Variants in TUT7 observed in about 807,000 individuals in gnomAD.
The protein encoded by TUT7 is terminal uridylyltransferase 7.
TUT7 carries 33 observed loss-of-function variants against 165.9 expected under a neutral mutation model. That is an observed-to-expected ratio of 0.20 (90% CI 0.15 to 0.27). TUT7 has a LOEUF of 0.27. Ranked by LOEUF, TUT7 falls within the 10% of genes least tolerant of loss-of-function variation. The pLI, the probability that TUT7 is intolerant of heterozygous loss-of-function variation, is 1.00. For missense variants in TUT7, 1,338 were observed against 1,762.3 expected (o/e 0.76, Z 4.31); for synonymous variants, 552 against 608.1 (o/e 0.91, Z 1.36).
At chr9:86,292,387 G>A (rs1825964540) in intron 26 of TUT7, among the ~76,000 whole-genome samples, 1 of 151,154 alleles carries the variant, frequency 6.6e-6, no homozygotes, top group African/African-American at 2.4e-5. Context: ...AAGAATCACT[G>A]GAACCTAGGA....
chr9:86,318,853 T>C (rs781252908), intron 16 of TUT7, 105 bp downstream of exon 16: 6 of 787,562 alleles, frequency 7.6e-6, no homozygotes, highest in African/African-American at 1.7e-5. Flanking sequence ...GCACACTCTA[T>C]ATGGTATGCC....
chr9:86,353,274 A>G, intron 1 of TUT7, 44 bp from the exon 2 acceptor site: 5 of 1,433,130 alleles, frequency 3.5e-6, no homozygotes, highest in Non-Finnish European at 4.7e-6. Context: ...ATATAACAAG[A>G]TATCATACAA....
At chr9:86,348,229 A>T (rs1045513934) in intron 2 of TUT7, among the ~76,000 whole-genome samples, 2 of 152,240 alleles carry the variant, frequency 1.3e-5, no homozygotes, top group African/African-American at 4.8e-5. Context: ...GCTTTTATAC[A>T]GAAGTGGATG....
At chr9:86,300,896 A>G (rs1056660779) in intron 26 of TUT7, among the ~76,000 whole-genome samples, 3 of 152,194 alleles carry the variant, frequency 2.0e-5, no homozygotes, top group Non-Finnish European at 2.9e-5. Flanking sequence ...GTGTCCTGAG[A>G]TAACTCTGGC....
intron 26 of TUT7, among the ~76,000 whole-genome samples, chr9:86,292,711 T>C (rs974206545): frequency 2.6e-5 from 4 of 151,242 alleles, no homozygotes; most frequent in African/African-American, 9.7e-5. Context: ...GAGTTCGAGG[T>C]TGCAGTGAGC....
chr9:86,348,259 A>G (rs1208166621), intron 2 of TUT7, among the ~76,000 whole-genome samples: 1 of 152,222 alleles, frequency 6.6e-6, no homozygotes, highest in East Asian at 1.9e-4. Flanking sequence ...ATTCTGTCAG[A>G]TAATGGCAGC....
chr9:86,301,102 TG>T (rs1218439616), intron 26 of TUT7, among the ~76,000 whole-genome samples, 173 bp downstream of exon 26: 13 of 152,232 alleles, frequency 8.5e-5, no homozygotes, highest in Non-Finnish European at 1.6e-4. Flanking sequence ...ATAAGATATA[TG>T]GAGGATCAAC....
In TUT7 at chr9:86,352,822, G is replaced by A. The variant is rs1187326910; in HGVS notation, c.378C>T (p.Asn126=). The A allele has an allele frequency of 1.2e-6, 2 of 1,614,008 alleles. No homozygotes were observed. The highest frequency in any genetic ancestry group is 1.3e-5 in the African/African-American group (1 of 74,888). The change falls in exon 2 of 27, where the codon AAC becomes AAT. Residue 126 remains asparagine, a synonymous_variant. Transcript: ENST00000375963. ...CTTGAAAGGAGTCTTTTCTTTGTCG[G>A]TTTATAACAGGAATTCTAGGTCCAG... The part of the protein sequence containing the change: ...FKPGPRIPVI[N]RQRKDSFQEN...
intron 2 of TUT7, among the ~76,000 whole-genome samples, chr9:86,352,225 T>C (rs1037763303): frequency 6.6e-6 from 1 of 152,200 alleles, no homozygotes; most frequent in African/African-American, 2.4e-5. Flanking sequence ...ATATACGCAG[T>C]GTATACTGTG....
chr9:86,293,475 T>C (rs765128643), intron 26 of TUT7, among the ~76,000 whole-genome samples: 3 of 151,740 alleles, frequency 2.0e-5, no homozygotes, highest in African/African-American at 2.4e-5. Context: ...CAAAGAAAGA[T>C]AGATGAAATC....
intron 26 of TUT7, chr9:86,298,723 G>C: frequency 1.1e-6 from 1 of 920,452 alleles, no homozygotes; most frequent in Non-Finnish European, 1.3e-6. Flanking sequence ...AAAGTATGCA[G>C]TAAATAAAAT....
intron 24 of TUT7, 91 bp downstream of exon 24, chr9:86,304,765 T>C: frequency 2.5e-6 from 2 of 807,198 alleles, no homozygotes; most frequent in Admixed American, 2.8e-5. Flanking sequence ...ACTCACAGAC[T>C]TTCTAAATAT....
intron 11 of TUT7, among the ~76,000 whole-genome samples, chr9:86,327,433 C>A (rs1008495730): frequency 6.6e-6 from 1 of 152,196 alleles, no homozygotes; most frequent in Non-Finnish European, 1.5e-5. Flanking sequence ...CCAATATTAT[C>A]CCCATGAGTA....
Position 86,309,200 on chromosome 9 carries a change from TA to T in TUT7, c.3660+11del, listed in dbSNP as rs1407808362. 6.6e-7 allele frequency: 1 copy of T among 1,525,992 alleles called. No individual in the cohort carries two copies. Among genetic ancestry groups the T allele is most frequent in the Non-Finnish European group, 9.0e-7 (1 of 1,107,028 alleles). 94.5% of individuals were successfully genotyped at this position (1,525,992 alleles called of 1,614,324 possible). ...AAGGATATAGGAAAATCTTTACTCTTAAAATACGTACCAGTTCATCTATTTG... is the reference window on the plus strand; with the variant it reads ...AAGGATATAGGAAAATCTTTACTCTTAAATACGTACCAGTTCATCTATTTG... On this transcript the variant is annotated intron_variant, in intron 21 of 26. Coordinates refer to ENST00000375963, the MANE Select transcript of TUT7 (RefSeq NM_024617.4).
chr9:86,308,712 A>G (rs2131344925), intron 21 of TUT7, 106 bp from the exon 22 acceptor site: 1 of 933,188 alleles, frequency 1.1e-6, no homozygotes, highest in Non-Finnish European at 1.6e-6. Context: ...CTAATTAACT[A>G]GAGCTCAATT....
chr9:86,353,338 ACTCC>A lies in TUT7; in HGVS notation c.-31-112_-31-109del, dbSNP rs1172770597. The stretch of plus-strand genomic sequence containing the variant: ...ATGCCCCAAAGCCTGTAAGAAAGAA[ACTCC>A]CTATTTTTTTAAAATAAAAATTCTA... On this transcript the variant is annotated intron_variant, in intron 1 of 26. Transcript: ENST00000375963. 9.4e-6 allele frequency: 8 copies of A among 854,620 alleles called. 1 individual carries two copies. Among genetic ancestry groups the A allele is most frequent in the South Asian group, 5.0e-5 (2 of 40,186 alleles). 52.9% of individuals were successfully genotyped at this position (854,620 alleles called of 1,614,324 possible).
rs142183824 is a variant in TUT7, at chr9:86,333,182, A to G, written c.1455+4237T>C. ...TTGTTTAGGCAAACTGGAAATTATC[A>G]CACCTCCAGTAGATTGTGGCTCAGC... On this transcript the variant is annotated intron_variant, in intron 10 of 26. Transcript: ENST00000375963. 4.2e-3 allele frequency among the ~76,000 whole-genome samples: 638 copies of G among 152,316 alleles called. 8 individuals carry two copies. The highest frequency in any genetic ancestry group is 0.015 in the African/African-American group (614 of 41,566).
intron 7 of TUT7, among the ~76,000 whole-genome samples, 197 bp from the exon 8 acceptor site, chr9:86,340,302 C>A (rs576029551): frequency 2.2e-4 from 34 of 152,134 alleles, no homozygotes; most frequent in Admixed American, 3.9e-4. Flanking sequence ...AGTGTAAAAC[C>A]CTTAGTTTGT....
chr9:86,313,771 C>T (rs192433019), intron 17 of TUT7, among the ~76,000 whole-genome samples: 38 of 152,240 alleles, frequency 2.5e-4, no homozygotes, highest in Admixed American at 7.8e-4. Flanking sequence ...AGAAGGGAAG[C>T]GGTAAAGTGA....
Sources: allele counts gnomAD v4.1 joint callset (sites outside exome capture counted in the v4.1 genomes callset), GRCh38; gene constraint gnomAD v4.1.1; transcripts MANE v1.5; gene names NCBI Gene and HGNC (gene_info 2026-07-23, HGNC 2026-07-21).